RAD51B: variants seen among roughly 807,000 people sequenced by gnomAD.
The protein encoded by RAD51B is RAD51 paralog B, also known as DNA repair protein RAD51 homolog 2.
RAD51B carries 38 observed loss-of-function variants against 42.2 expected under a neutral mutation model. The observed-to-expected ratio is 0.90, with a 90% confidence interval of 0.70 to 1.18. RAD51B has a LOEUF of 1.18. RAD51B is among the 50% of genes most tolerant of loss of function. The probability of loss-of-function intolerance (pLI) is 0.00; values close to 1 mark genes in which losing one functional copy is unlikely to be tolerated. For synonymous variants in RAD51B, 154 were observed against 145.2 expected, an observed-to-expected ratio of 1.06 and a Z score of -0.43; for missense variants, 373 against 400.7, an observed-to-expected ratio of 0.93 and a Z score of 0.59.
At chr14:67,849,908 T>C (rs758707750) in intron 4 of RAD51B, among the ~76,000 whole-genome samples, 2 of 152,250 alleles carry the variant, frequency 1.3e-5, no homozygotes, top group Non-Finnish European at 2.9e-5. Flanking sequence ...CCTAGAGAGC[T>C]ACTGTGATTC....
intron 5 of RAD51B, among the ~76,000 whole-genome samples, chr14:67,885,061 G>A (rs1047600591): frequency 2.0e-4 from 31 of 152,128 alleles, no homozygotes; most frequent in African/African-American, 7.5e-4. Flanking sequence ...CCCTGGGATG[G>A]CTAAGTACTA....
intron 9 of RAD51B, among the ~76,000 whole-genome samples, chr14:68,440,232 G>A (rs1280072435): frequency 6.6e-6 from 1 of 152,172 alleles, no homozygotes; most frequent in African/African-American, 2.4e-5. Flanking sequence ...TGTGAGGATA[G>A]GCATTATCCA....
chr14:68,105,696 A>G (rs989199814), intron 7 of RAD51B, among the ~76,000 whole-genome samples: 3 of 152,028 alleles, frequency 2.0e-5, no homozygotes, highest in Admixed American at 6.6e-5. Context: ...CTCCAAGTTT[A>G]AAGTATTTGT....
rs368592825 is a variant in RAD51B at position 67,918,395 on chromosome 14, C to T, written c.756+31191C>T. On this transcript the variant is annotated intron_variant, in intron 7 of 10. Coordinates refer to ENST00000471583, the MANE Select transcript of RAD51B (RefSeq NM_133510.4). ...GATTGTGGGCATGCACCATCACACCCGGCTAATTTTTGTATTTTTAGTAGA... is the reference window on the plus strand; with the variant it reads ...GATTGTGGGCATGCACCATCACACCTGGCTAATTTTTGTATTTTTAGTAGA... 2.6e-4 allele frequency among the ~76,000 whole-genome samples: 39 copies of T among 152,142 alleles called. No homozygotes were observed. In the South Asian group the frequency reaches 6.2e-3, roughly 24 times the overall value.
chr14:68,420,914 G>A (rs772548394), intron 9 of RAD51B, among the ~76,000 whole-genome samples: 4 of 152,214 alleles, frequency 2.6e-5, no homozygotes, highest in Non-Finnish European at 5.9e-5. Flanking sequence ...ATAAAATGAG[G>A]TGCTAGAAAA....
chr14:68,474,527 A>T (rs183475689), intron 10 of RAD51B, among the ~76,000 whole-genome samples: 2 of 152,290 alleles, frequency 1.3e-5, no homozygotes, highest in Admixed American at 1.3e-4. Flanking sequence ...CCTGATTCTC[A>T]CTTGAGGAAA....
chr14:68,223,381 C>T (rs1158626932), intron 7 of RAD51B, among the ~76,000 whole-genome samples: 1 of 152,206 alleles, frequency 6.6e-6, no homozygotes, highest in East Asian at 1.9e-4. Context: ...TGTTGAGAAA[C>T]ACACATAAAC....
At chr14:68,422,003 C>A (rs1186620523) in intron 9 of RAD51B, 1 of 1,525,780 alleles carries the variant, frequency 6.6e-7, no homozygotes, top group African/African-American at 1.4e-5. Context: ...TTCACAGTCA[C>A]CACCCTGACA....
chr14:67,928,357 A>C (rs2044601446), intron 7 of RAD51B, among the ~76,000 whole-genome samples: 1 of 152,116 alleles, frequency 6.6e-6, no homozygotes, highest in Admixed American at 6.6e-5. Flanking sequence ...AAGAAGGAAG[A>C]AGCTCCCCCA....
intron 9 of RAD51B, among the ~76,000 whole-genome samples, chr14:68,436,184 G>A (rs910404714): frequency 3.5e-4 from 53 of 152,230 alleles, no homozygotes; most frequent in African/African-American, 1.2e-3. Context: ...TCCACCTTGA[G>A]TTAATTTTTA....
chr14:68,150,972 A>T (rs2078366068), intron 7 of RAD51B, among the ~76,000 whole-genome samples: 3 of 152,098 alleles, frequency 2.0e-5, no homozygotes, highest in Admixed American at 2.0e-4. Flanking sequence ...ATAAGAAAAT[A>T]AATTTAATAA....
intron 5 of RAD51B, among the ~76,000 whole-genome samples, chr14:67,866,496 G>T (rs930212525): frequency 2.0e-5 from 3 of 152,218 alleles, no homozygotes; most frequent in Non-Finnish European, 2.9e-5. Flanking sequence ...TTTGGGTAAA[G>T]AATTCAAAGA....
At chr14:68,164,379 G>A (rs535513240) in intron 7 of RAD51B, among the ~76,000 whole-genome samples, 33 of 152,282 alleles carry the variant, frequency 2.2e-4, no homozygotes, top group African/African-American at 7.0e-4. Context: ...AATAATGGGA[G>A]CTGTGGGCTC....
intron 10 of RAD51B, among the ~76,000 whole-genome samples, chr14:68,505,438 G>T (rs766883334): frequency 6.6e-6 from 1 of 151,278 alleles, no homozygotes; most frequent in Admixed American, 6.6e-5. Context: ...TCAGCTGCCC[G>T]CTCTGTCCAG....
chr14:68,597,235 C>T (rs1265142936), downstream of RAD51B, among the ~76,000 whole-genome samples: 2 of 152,200 alleles, frequency 1.3e-5, no homozygotes, highest in African/African-American at 4.8e-5. Context: ...AGGCCAGGAG[C>T]TGTGCACCGT....
At chr14:68,625,279 A>G (rs919566349) in intron 10 of RAD51B, among the ~76,000 whole-genome samples, 1 of 152,180 alleles carries the variant, frequency 6.6e-6, no homozygotes, top group African/African-American at 2.4e-5. Flanking sequence ...CAACTCCTCC[A>G]GGCATTTTAC....
At chr14:68,115,547 A>T (rs867910135) in intron 7 of RAD51B, among the ~76,000 whole-genome samples, 107 of 150,232 alleles carry the variant, frequency 7.1e-4, no homozygotes, top group African/African-American at 2.6e-3. Context: ...AAGTATAAAA[A>T]AAAAAAAAAA....
At chr14:68,611,409 C>T (rs1223894246) in exon 11 of RAD51B, 2 of 612,702 alleles carry the variant, frequency 3.3e-6, no homozygotes. Flanking sequence ...TTCTTCTCTA[C>T]ATCTTCCTCC....
intron 7 of RAD51B, among the ~76,000 whole-genome samples, chr14:68,005,486 G>A (rs192044849): frequency 6.6e-6 from 1 of 152,260 alleles, no homozygotes; most frequent in African/African-American, 2.4e-5. Context: ...CATCAGTTAT[G>A]CATGTATTTA....
Sources: allele counts gnomAD v4.1 joint callset (sites outside exome capture counted in the v4.1 genomes callset), GRCh38; gene constraint gnomAD v4.1.1; transcripts MANE v1.5; gene names NCBI Gene and HGNC (gene_info 2026-07-23, HGNC 2026-07-21).